The following PTPRQ variants were observed in gnomAD, a reference collection of about 807,000 sequenced individuals.
PTPRQ encodes the protein protein tyrosine phosphatase receptor type Q.
A neutral mutation model predicts 246.0 loss-of-function variants in PTPRQ; 199 were observed. The ratio of observed to expected loss-of-function variants is 0.81; its 90% CI spans 0.72 to 0.91. The LOEUF (loss-of-function observed/expected upper bound fraction) is 0.91, where lower values mean the gene tolerates loss of function less well. Ranked by LOEUF, PTPRQ falls within the 40% of genes least tolerant of loss-of-function variation. The pLI is 0.00. For synonymous variants in PTPRQ, 869 were observed against 853.2 expected (o/e 1.02, Z -0.32); for missense variants, 2,624 against 2,528.4 (o/e 1.04, Z -0.81).
At chr12:80,553,886 A>G (rs1479426386) in intron 25 of PTPRQ, among the ~76,000 whole-genome samples, 1 of 152,204 alleles carries the variant, frequency 6.6e-6, no homozygotes, top group East Asian at 1.9e-4. Flanking sequence ...GCACTTATTC[A>G]TTTTACTATC....
rs1479739906 is a variant in PTPRQ at position 80,484,482 on chromosome 12, A to G, written c.1236A>G (p.Gln412=). 6.4e-7 allele frequency: 1 copy of G among 1,551,194 alleles called. No individual in the cohort carries two copies. The highest frequency in any genetic ancestry group is 2.4e-5 in the East Asian group (1 of 40,874). The part of the protein sequence containing the change: ...DLQLAEVEST[Q]VRITWKKPRQ... ...AACTTGCAGAGGTAGAATCCACGCA[A>G]GTAAGAATTACTTGGAAGAAACCAC... The change falls in exon 9 of 45, where the codon CAA becomes CAG. Residue 412 remains glutamine, a synonymous_variant. Coordinates refer to ENST00000644991, the MANE Select transcript of PTPRQ (RefSeq NM_001145026.2).
chr12:80,557,634 G>A (rs2120902453), intron 25 of PTPRQ, among the ~76,000 whole-genome samples: 1 of 152,144 alleles, frequency 6.6e-6, no homozygotes, highest in East Asian at 1.9e-4. Context: ...CTTGATGAAT[G>A]TATTTTCTAA....
At chr12:80,574,720 T>G (rs1034381623) in intron 25 of PTPRQ, among the ~76,000 whole-genome samples, 2 of 152,178 alleles carry the variant, frequency 1.3e-5, no homozygotes, top group African/African-American at 4.8e-5. Flanking sequence ...CTGCTGTTAT[T>G]GTTATATTTT....
At position 80,654,574 on chromosome 12, in the gene PTPRQ, G is replaced by A. The variant is rs371947732; in HGVS notation, c.6115+1740G>A. On this transcript the variant is annotated intron_variant, in intron 38 of 44. Transcript: ENST00000644991. The stretch of plus-strand genomic sequence containing the variant: ...AATTGTATAGAATTAATGGCCTGGC[G>A]CGGTGGCTCACGCCTGTAATCCCAG... Among the ~76,000 whole-genome samples, 40 of 151,984 alleles carry A rather than the reference G, an allele frequency of 2.6e-4. No individual in the cohort carries two copies. The East Asian group carries it at 4.9e-3, about 18-fold the overall frequency.
intron 26 of PTPRQ, among the ~76,000 whole-genome samples, chr12:80,597,273 C>G (rs1898000658): frequency 1.3e-5 from 2 of 151,966 alleles, no homozygotes; most frequent in African/African-American, 4.8e-5. Flanking sequence ...CAAGATTTAT[C>G]CTGGCCCTAA....
chr12:80,632,638 C>T (rs1013580329), intron 34 of PTPRQ, among the ~76,000 whole-genome samples: 4 of 152,138 alleles, frequency 2.6e-5, no homozygotes, highest in East Asian at 1.9e-4. Context: ...CTCTCTTTAA[C>T]TTGAAGGAGA....
At chr12:80,539,700 T>G in intron 19 of PTPRQ, 76 bp from the exon 20 acceptor site, 1 of 1,196,788 alleles carries the variant, frequency 8.4e-7, no homozygotes, top group Non-Finnish European at 1.1e-6. Flanking sequence ...AATCGATCCA[T>G]TGATAACAAT....
At chr12:80,478,756 A>T (rs1893917844) in intron 8 of PTPRQ, among the ~76,000 whole-genome samples, 1 of 152,208 alleles carries the variant, frequency 6.6e-6, no homozygotes, top group Non-Finnish European at 1.5e-5. Context: ...CGATGCGATC[A>T]ACTGGAAGAA....
At chr12:80,631,976 C>A (rs1899453679) in intron 33 of PTPRQ, among the ~76,000 whole-genome samples, 1 of 152,156 alleles carries the variant, frequency 6.6e-6, no homozygotes, top group Admixed American at 6.5e-5. Flanking sequence ...TGGGCTCACA[C>A]TGGGAGTGAG....
chr12:80,588,506 C>G lies in PTPRQ; in HGVS notation c.4609+54C>G, dbSNP rs913088051. On this transcript the variant is annotated intron_variant, in intron 26 of 44. Transcript: ENST00000644991. ...GATTTCTGTTATATTCTGTATCTGTCTATATATTATGCTTTATACTTAATC... is the reference window on the plus strand; with the variant it reads ...GATTTCTGTTATATTCTGTATCTGTGTATATATTATGCTTTATACTTAATC... 2.9e-6 allele frequency: 4 copies of G among 1,401,874 alleles called. No homozygotes were observed. In the African/African-American group the frequency reaches 5.8e-5, roughly 20 times the overall value. 86.8% of individuals were successfully genotyped at this position (1,401,874 alleles called of 1,614,324 possible).
At chr12:80,528,032 A>C (rs562825803) in intron 17 of PTPRQ, among the ~76,000 whole-genome samples, 1 of 152,274 alleles carries the variant, frequency 6.6e-6, no homozygotes, top group African/African-American at 2.4e-5. Flanking sequence ...TCGACGCTGC[A>C]GTGAGTTGTG....
rs1898754042 is a variant in PTPRQ, at chr12:80,616,206, G to A, written c.5170G>A (p.Ala1724Thr). ...GGHTYNISVYAVNSAGAGPKV... is the reference protein window; with the variant it reads ...GGHTYNISVYTVNSAGAGPKV... ...AAATATTTGTTTGTTTTAGGTTTAC[G>A]CAGTCAATAGTGCTGGTGCAGGTCC... Residue 1724 changes from alanine (A) to threonine (T), a missense_variant, in exon 30 of 45, where the codon GCA becomes ACA. Coordinates refer to ENST00000644991, the MANE Select transcript of PTPRQ (RefSeq NM_001145026.2). The A allele has an allele frequency of 8.8e-6, 13 of 1,472,046 alleles. No homozygotes were observed. The highest frequency in any genetic ancestry group is 5.6e-5 in the East Asian group (2 of 35,632). 91.2% of individuals were successfully genotyped at this position (1,472,046 alleles called of 1,614,324 possible).
In PTPRQ at chr12:80,542,697, T is replaced by C. The variant is rs973628832; in HGVS notation, c.3722-33T>C. On this transcript the variant is annotated intron_variant, in intron 22 of 44. Coordinates refer to ENST00000644991, the MANE Select transcript of PTPRQ (RefSeq NM_001145026.2). ...TGCTATTTTTATGTTAAAAGTTTTA[T>C]GAATGTAAGTTTCTTCATGTGTTTT... 48 of 1,518,508 alleles carry C rather than the reference T, an allele frequency of 3.2e-5. No homozygotes were observed. In the African/African-American group the frequency reaches 6.4e-4, roughly 20 times the overall value. 94.1% of individuals were successfully genotyped at this position (1,518,508 alleles called of 1,614,324 possible).
rs150208530 is a variant in PTPRQ at position 80,635,804 on chromosome 12, C to T, written c.5915+731C>T. Among the ~76,000 whole-genome samples, 1,273 of 152,136 alleles carry T rather than the reference C, an allele frequency of 8.4e-3. 24 individuals carry two copies. Among genetic ancestry groups the T allele is most frequent in the African/African-American group, 0.028 (1,181 of 41,528 alleles). On this transcript the variant is annotated intron_variant, in intron 35 of 44. Transcript: ENST00000644991. ...GAAAACTACCATCAGGCTATTTTAACGTTTGCATTTTTATAAGATTCAATA... is the reference window on the plus strand; with the variant it reads ...GAAAACTACCATCAGGCTATTTTAATGTTTGCATTTTTATAAGATTCAATA...
rs375990869 is a variant in PTPRQ at position 80,671,427 on chromosome 12, A to G, written c.6602+935A>G. ...CTTTGATGGACAGTAGCTGTCTTCA[A>G]TTTCTCTGTATCATGCAAATACACT... On this transcript the variant is annotated intron_variant, in intron 42 of 44. Coordinates refer to ENST00000644991, the MANE Select transcript of PTPRQ (RefSeq NM_001145026.2). Among the ~76,000 whole-genome samples the G allele has an allele frequency of 2.5e-4, 38 of 152,226 alleles. 2 individuals carry two copies. Among genetic ancestry groups the G allele is most frequent in the Admixed American group, 1.4e-3 (22 of 15,264 alleles).
At chr12:80,460,471 C>T (rs12313966) in intron 5 of PTPRQ, among the ~76,000 whole-genome samples, 182 bp from the exon 6 acceptor site, 14,693 of 152,150 alleles carry the variant, frequency 0.097, 1,515 homozygotes, top group African/African-American at 0.25. Context: ...ATAAATATGT[C>T]CTCTTCTAAA....
chr12:80,538,499 T>C (rs542821598), intron 19 of PTPRQ, among the ~76,000 whole-genome samples: 2 of 152,364 alleles, frequency 1.3e-5, no homozygotes, highest in African/African-American at 4.8e-5. Flanking sequence ...AGTTGTTCCA[T>C]GTGTAAAGTA....
At chr12:80,450,589 C>G (rs7963938) in intron 3 of PTPRQ, among the ~76,000 whole-genome samples, 1 of 150,886 alleles carries the variant, frequency 6.6e-6, no homozygotes, top group Non-Finnish European at 1.5e-5. Context: ...TAGCATGAAG[C>G]ATTGTTGAAT....
chr12:80,668,903 A>C, intron 39 of PTPRQ, 104 bp from the exon 40 acceptor site: 1 of 1,344,002 alleles, frequency 7.4e-7, no homozygotes, highest in Non-Finnish European at 9.7e-7. Flanking sequence ...ATTCTAAAAT[A>C]TTAGGTAATT....
Sources: allele counts gnomAD v4.1 joint callset (sites outside exome capture counted in the v4.1 genomes callset), GRCh38; gene constraint gnomAD v4.1.1; transcripts MANE v1.5; gene names NCBI Gene and HGNC (gene_info 2026-07-23, HGNC 2026-07-21).